Variants in SMOC1 observed in about 807,000 individuals in gnomAD.
SMOC1 encodes SPARC related modular calcium binding 1.
A neutral mutation model predicts 56.3 loss-of-function variants in SMOC1; 22 were observed. That is an observed-to-expected ratio of 0.39 (90% confidence interval 0.28 to 0.56). The LOEUF (loss-of-function observed/expected upper bound fraction) is 0.56. Among genes scored for constraint, SMOC1 ranks in the 20% least tolerant of loss-of-function variants. The probability of loss-of-function intolerance (pLI) is 0.61; values close to 1 mark genes in which losing one functional copy is unlikely to be tolerated. For missense variants in SMOC1, 509 were observed against 565.4 expected, an observed-to-expected ratio of 0.90 and a Z score of 1.01; for synonymous variants, 193 against 215.0, an observed-to-expected ratio of 0.90 and a Z score of 0.89.
At chr14:69,964,167 C>A (rs1393109053) in intron 3 of SMOC1, among the ~76,000 whole-genome samples, 47 of 152,144 alleles carry the variant, frequency 3.1e-4, no homozygotes, top group Non-Finnish European at 2.9e-5. Context: ...CATCCGAGCT[C>A]CCTGTAGCCC....
chr14:69,885,665 T>A (rs1883782619), intron 1 of SMOC1: 1 of 1,450,320 alleles, frequency 6.9e-7, no homozygotes, highest in Non-Finnish European at 9.6e-7. Context: ...ATCCATGTCG[T>A]GTGAAATCAC....
chr14:69,902,313 C>T lies in SMOC1; in HGVS notation c.99+22536C>T, dbSNP rs571569104. On this transcript the variant is annotated intron_variant, in intron 1 of 11. Transcript: ENST00000361956. ...TATAATATATTGTGAACACCTGGAT[C>T]CCACTCTGCTAAAAGCTTCCTTAAA... 2.6e-5 allele frequency among the ~76,000 whole-genome samples: 4 copies of T among 152,322 alleles called. No homozygotes were observed. In the South Asian group the frequency reaches 8.3e-4, roughly 32 times the overall value.
intron 11 of SMOC1, among the ~76,000 whole-genome samples, chr14:70,026,826 T>C (rs1304920947): frequency 3.9e-5 from 6 of 152,062 alleles, no homozygotes; most frequent in African/African-American, 1.2e-4. Flanking sequence ...TGTTTGTACA[T>C]GGTCTACACT....
intron 1 of SMOC1, among the ~76,000 whole-genome samples, chr14:69,887,000 C>T (rs553771995): frequency 6.6e-5 from 10 of 152,260 alleles, no homozygotes; most frequent in East Asian, 3.9e-4. Context: ...AATTCCACTC[C>T]GGCTCTATGT....
chr14:69,939,092 C>T (rs1882452638), intron 1 of SMOC1, among the ~76,000 whole-genome samples: 1 of 152,170 alleles, frequency 6.6e-6, no homozygotes, highest in Non-Finnish European at 1.5e-5. Context: ...GGACTCTGGG[C>T]CAGGTTAGCT....
intron 1 of SMOC1, among the ~76,000 whole-genome samples, chr14:69,905,659 G>A (rs1389287937): frequency 1.3e-5 from 2 of 152,196 alleles, no homozygotes; most frequent in African/African-American, 4.8e-5. Context: ...TGAGTTGATA[G>A]TGGGGTTGAA....
chr14:70,013,637 G>T, intron 10 of SMOC1, 146 bp downstream of exon 10: 1 of 722,052 alleles, frequency 1.4e-6, no homozygotes, highest in Non-Finnish European at 2.4e-6. Flanking sequence ...TGTACCCATA[G>T]CTTTGACCCG....
At chr14:69,953,221 T>A (rs544766201) in intron 2 of SMOC1, among the ~76,000 whole-genome samples, 199 bp from the exon 3 acceptor site, 24 of 152,258 alleles carry the variant, frequency 1.6e-4, no homozygotes, top group Middle Eastern at 3.4e-3. Context: ...TAAACACGAA[T>A]CCTCTGCTTT....
chr14:69,886,183 A>G, intron 1 of SMOC1: 2 of 912,610 alleles, frequency 2.2e-6, no homozygotes, highest in Non-Finnish European at 3.5e-6. Flanking sequence ...CAACTTCTAT[A>G]TCTGGTCCAC....
chr14:69,921,394 T>C (rs563677941), intron 1 of SMOC1, among the ~76,000 whole-genome samples: 1 of 152,350 alleles, frequency 6.6e-6, no homozygotes, highest in South Asian at 2.1e-4. Flanking sequence ...GCACTGGTTT[T>C]CATTTCCACT....
chr14:69,935,141 G>A (rs1885263793), intron 1 of SMOC1, among the ~76,000 whole-genome samples: 1 of 152,088 alleles, frequency 6.6e-6, no homozygotes, highest in Non-Finnish European at 1.5e-5. Flanking sequence ...CTTCTTTCTT[G>A]GAACTTCTGT....
chr14:69,930,483 C>G (rs1480604682), intron 1 of SMOC1, among the ~76,000 whole-genome samples: 1 of 152,218 alleles, frequency 6.6e-6, no homozygotes, highest in Non-Finnish European at 1.5e-5. Flanking sequence ...TGGGGCAGGG[C>G]TGTTTTTCCC....
chr14:70,029,621 C>T (rs1886064392), intron 11 of SMOC1, among the ~76,000 whole-genome samples: 1 of 152,162 alleles, frequency 6.6e-6, no homozygotes, highest in Non-Finnish European at 1.5e-5. Flanking sequence ...AAGAAGGTGC[C>T]AGTTCTCTGG....
chr14:70,017,855 G>A (rs1024624426), intron 10 of SMOC1, among the ~76,000 whole-genome samples: 33 of 152,172 alleles, frequency 2.2e-4, no homozygotes, highest in African/African-American at 7.7e-4. Context: ...GGGAGCCAGA[G>A]CATGTGAGGG....
intron 10 of SMOC1, among the ~76,000 whole-genome samples, chr14:70,020,149 G>GAC (rs1885656661): frequency 7.8e-6 from 1 of 128,020 alleles, no homozygotes; most frequent in Non-Finnish European, 1.8e-5. Context: ...TTTTGTTTTT[G>GAC]TCTTTTTTTT....
rs1333211449 is a variant in SMOC1, at chr14:69,926,113, G to T, written c.100-26025G>T. On this transcript the variant is annotated intron_variant, in intron 1 of 11. Coordinates refer to ENST00000361956, the MANE Select transcript of SMOC1 (RefSeq NM_001034852.3). ...TATTACCAAAATCCTGACAAAGTCTGCGAGTTGCATGTCCAGGGAACAGAC... is the reference window on the plus strand; with the variant it reads ...TATTACCAAAATCCTGACAAAGTCTTCGAGTTGCATGTCCAGGGAACAGAC... Among the ~76,000 whole-genome samples the T allele has an allele frequency of 2.6e-5, 4 of 151,796 alleles. No individual in the cohort carries two copies. The East Asian group carries it at 7.7e-4, about 29-fold the overall frequency.
At chr14:69,900,873 G>A (rs1293762984) in intron 1 of SMOC1, among the ~76,000 whole-genome samples, 1 of 152,240 alleles carries the variant, frequency 6.6e-6, no homozygotes, top group African/African-American at 2.4e-5. Flanking sequence ...GGTCTAGCAT[G>A]ACCTTTAGTC....
At chr14:70,027,033 G>A (rs1442600461) in intron 11 of SMOC1, among the ~76,000 whole-genome samples, 1 of 152,128 alleles carries the variant, frequency 6.6e-6, no homozygotes, top group Middle Eastern at 3.2e-3. Flanking sequence ...TGGAGGCTGA[G>A]TAGACTTAAA....
intron 7 of SMOC1, among the ~76,000 whole-genome samples, chr14:69,997,953 C>A (rs1566704665): frequency 6.6e-6 from 1 of 152,110 alleles, no homozygotes; most frequent in Non-Finnish European, 1.5e-5. Flanking sequence ...AAAAGGCTAT[C>A]CCAGTTTCTT....
Sources: gnomAD v4.1 joint callset for allele counts (sites outside exome capture counted in the v4.1 genomes callset) on GRCh38, gnomAD v4.1.1 for gene constraint, MANE v1.5 for transcripts, NCBI Gene and HGNC (gene_info 2026-07-23, HGNC 2026-07-21) for gene names.